The following SCML4 variants were observed in gnomAD, a reference collection of about 807,000 sequenced individuals.
SCML4 encodes the protein sex comb on midleg-like protein 4.
In SCML4, 34 loss-of-function variants were observed where a neutral mutation model predicts 41.1. The observed-to-expected ratio is 0.83, with a 90% CI of 0.63 to 1.10. The LOEUF (loss-of-function observed/expected upper bound fraction) is 1.10, where lower values mean the gene tolerates loss of function less well. Ranked by LOEUF, SCML4 falls within the 50% of genes least tolerant of loss-of-function variation. SCML4 has a pLI of 0.00. For synonymous variants in SCML4, 214 were observed against 220.9 expected (o/e 0.97, Z 0.28); for missense variants, 522 against 534.1 (o/e 0.98, Z 0.22).
At chr6:107,749,849 G>C in intron 2 of SCML4, 36 bp from the exon 3 acceptor site, 1 of 1,610,768 alleles carries the variant, frequency 6.2e-7, no homozygotes, top group Non-Finnish European at 8.5e-7. Flanking sequence ...ATGAGAATCT[G>C]GCAATTCTCT....
intron 5 of SCML4, among the ~76,000 whole-genome samples, chr6:107,741,905 G>A (rs913896200): frequency 2.6e-5 from 4 of 152,202 alleles, no homozygotes; most frequent in Non-Finnish European, 5.9e-5. Flanking sequence ...ACGGCTGACA[G>A]GAAACCGTGA....
At chr6:107,790,518 G>T (rs193026262) in intron 1 of SCML4, among the ~76,000 whole-genome samples, 1 of 152,186 alleles carries the variant, frequency 6.6e-6, no homozygotes, top group African/African-American at 2.4e-5. Flanking sequence ...TCTCCCCTTC[G>T]CAAAGGTCTC....
chr6:107,781,932 A>C (rs906561258), intron 1 of SCML4, among the ~76,000 whole-genome samples: 3 of 152,172 alleles, frequency 2.0e-5, no homozygotes, highest in African/African-American at 7.2e-5. Flanking sequence ...CCTCGCTGTG[A>C]GGGAAGACTC....
chr6:107,827,238 T>A (rs1004469756), upstream of SCML4, among the ~76,000 whole-genome samples: 5 of 147,240 alleles, frequency 3.4e-5, no homozygotes, highest in Non-Finnish European at 7.5e-5. Context: ...ATATTTTTAT[T>A]TAAATATATT....
chr6:107,835,881 A>T, the SCML4 span, among the ~76,000 whole-genome samples: 1 of 152,148 alleles, frequency 6.6e-6, no homozygotes, highest in African/African-American at 2.4e-5. Flanking sequence ...AACTTCAAGG[A>T]TCAATACAGG....
At chr6:107,736,388 G>C (rs184498391) in intron 5 of SCML4, among the ~76,000 whole-genome samples, 80 of 152,316 alleles carry the variant, frequency 5.3e-4, no homozygotes, top group South Asian at 5.0e-3. Context: ...GCCAGTGCTG[G>C]ATAACGGGCC....
intron 1 of SCML4, among the ~76,000 whole-genome samples, chr6:107,814,891 A>C (rs1453722440): frequency 6.6e-6 from 1 of 152,194 alleles, no homozygotes; most frequent in Admixed American, 6.5e-5. Flanking sequence ...TATGTGATAA[A>C]AACCTATGCA....
At chr6:107,748,306 C>T (rs1439593004) in intron 3 of SCML4, among the ~76,000 whole-genome samples, 1 of 152,210 alleles carries the variant, frequency 6.6e-6, no homozygotes, top group Non-Finnish European at 1.5e-5. Context: ...GCCACTGGTG[C>T]AAAGGAGTGC....
At position 107,720,742 on chromosome 6, in the gene SCML4, G is replaced by T. The variant is rs371549690; in HGVS notation, c.934C>A (p.Pro312Thr). 4 of 1,595,058 alleles carry T rather than the reference G, an allele frequency of 2.5e-6. No homozygotes were observed. The highest frequency in any genetic ancestry group is 3.4e-6 in the Non-Finnish European group (4 of 1,172,084). Residue 312 changes from proline to threonine, a missense_variant, in exon 6 of 8, where the codon CCC becomes ACC. Transcript: ENST00000369020. ...APGLRPPASS[P>T]KRNTTSLEGN... ...TCAAGAGAGGTCGTGTTTCTCTTGG[G>T]GCTGGAGGCTGGAGGCCTCAGCCCA...
upstream of SCML4, among the ~76,000 whole-genome samples, chr6:107,827,148 T>TATTTAATAAATTATTCATTAAATTATGTA (rs1237171804): frequency 6.8e-6 from 1 of 148,084 alleles, no homozygotes; most frequent in Non-Finnish European, 1.5e-5. Flanking sequence ...AAATATTTGA[T>TATTTAATAAATTATTCATTAAATTATGTA]ATTTAATAAA....
At chr6:107,750,821 A>C (rs745768794) in intron 2 of SCML4, among the ~76,000 whole-genome samples, 1 of 152,216 alleles carries the variant, frequency 6.6e-6, no homozygotes, top group Non-Finnish European at 1.5e-5. Context: ...ATGAGCTCCC[A>C]GGTACCACTG....
intron 3 of SCML4, among the ~76,000 whole-genome samples, chr6:107,747,279 G>T (rs1245725584): frequency 6.6e-6 from 1 of 152,190 alleles, no homozygotes; most frequent in Non-Finnish European, 1.5e-5. Flanking sequence ...GCTATAGACA[G>T]TTTTTGCCAT....
At chr6:107,782,355 G>T (rs548237349) in intron 1 of SCML4, among the ~76,000 whole-genome samples, 7 of 151,658 alleles carry the variant, frequency 4.6e-5, no homozygotes, top group African/African-American at 1.7e-4. Flanking sequence ...TGCTTGTTGG[G>T]GCTGCTCCTT....
intron 1 of SCML4, among the ~76,000 whole-genome samples, chr6:107,816,056 G>A (rs1010425064): frequency 2.0e-5 from 3 of 152,196 alleles, no homozygotes; most frequent in Middle Eastern, 3.2e-3. Context: ...GAAAAGACAC[G>A]GACGCCCCGG....
chr6:107,799,390 A>G (rs1370779324), intron 1 of SCML4, among the ~76,000 whole-genome samples: 2 of 152,130 alleles, frequency 1.3e-5, no homozygotes, highest in African/African-American at 4.8e-5. Flanking sequence ...CCTCTTTCTT[A>G]TGATGAATGT....
At chr6:107,715,693 G>A (rs1057174847) in intron 6 of SCML4, among the ~76,000 whole-genome samples, 13 of 152,038 alleles carry the variant, frequency 8.6e-5, no homozygotes, top group African/African-American at 2.7e-4. Context: ...CACTGGCAGC[G>A]GAGACAGACG....
At position 107,720,092 on chromosome 6, in the gene SCML4, T is replaced by A. The variant is rs552449749; in HGVS notation, c.973+611A>T. 3 of 985,464 alleles carry A rather than the reference T, an allele frequency of 3.0e-6. No homozygotes were observed. The South Asian group carries it at 1.4e-4, about 46-fold the overall frequency. 61.0% of individuals were successfully genotyped at this position (985,464 alleles called of 1,614,324 possible). A position where few individuals can be genotyped will look rare whatever the true frequency, so the allele number is the denominator to read the frequency against. ...TGCCTCTGCTCATGTATTTGTATCC[T>A]GAAGGTGACACTTCCTATGCAAGAG... On this transcript the variant is annotated intron_variant, in intron 6 of 7. Transcript: ENST00000369020.
chr6:107,750,469 T>C (rs1482918644), intron 2 of SCML4, among the ~76,000 whole-genome samples: 2 of 152,196 alleles, frequency 1.3e-5, no homozygotes, highest in African/African-American at 4.8e-5. Context: ...CTTGTTGATA[T>C]CCATATTAAC....
intron 1 of SCML4, among the ~76,000 whole-genome samples, chr6:107,781,987 A>G (rs1252999840): frequency 6.6e-6 from 1 of 152,222 alleles, no homozygotes. Flanking sequence ...AACCTGTAAA[A>G]GCTATCACTA....
Sources: gnomAD v4.1 joint callset for allele counts (sites outside exome capture counted in the v4.1 genomes callset) on GRCh38, gnomAD v4.1.1 for gene constraint, MANE v1.5 for transcripts, NCBI Gene and HGNC (gene_info 2026-07-23, HGNC 2026-07-21) for gene names.